Variants in EVPL observed in about 807,000 individuals in gnomAD.
The protein encoded by EVPL is 210 kDa cornified envelope precursor protein.
In EVPL, 94 loss-of-function variants were observed where a neutral mutation model predicts 129.7. That is an observed-to-expected ratio of 0.72 (90% CI 0.61 to 0.86). The LOEUF is 0.86. Ranked by LOEUF, EVPL falls within the 40% of genes least tolerant of loss-of-function variation. The probability of loss-of-function intolerance (pLI) is 0.00; values close to 1 mark genes in which losing one functional copy is unlikely to be tolerated. For synonymous variants in EVPL, 1,172 were observed against 1,191.1 expected, an observed-to-expected ratio of 0.98 and a Z score of 0.33; for missense variants, 2,625 against 2,721.1, an observed-to-expected ratio of 0.96 and a Z score of 0.79.
chr17:76,025,718 T>C (rs1348784195), intron 1 of EVPL, among the ~76,000 whole-genome samples: 5 of 152,292 alleles, frequency 3.3e-5, no homozygotes, highest in Admixed American at 2.6e-4. Context: ...CCTATCGGGG[T>C]AATGGGCACC....
rs761448376 is a variant in EVPL, at chr17:76,011,600, C to T, written c.2637G>A (p.Glu879=). Residue 879 remains glutamate (E), a synonymous_variant, in exon 21 of 22, where the codon GAG becomes GAA. Transcript: ENST00000301607. ...CCTTCTCCAGCATTTTTCTAGCAAA[C>T]TCCAGCTGCTGGAGCAGCTGCTGCT... The part of the protein sequence containing the change: ...AAQQQLLQQL[E]FARKMLEKKE... 1.2e-6 allele frequency: 2 copies of T among 1,614,192 alleles called. No homozygotes were observed. Among genetic ancestry groups the T allele is most frequent in the East Asian group, 4.5e-5 (2 of 44,886 alleles).
Position 76,014,600 on chromosome 17 carries a change from C to A in EVPL, c.2223-24G>T, listed in dbSNP as rs375912487. On this transcript the variant is annotated intron_variant, in intron 17 of 21. Transcript: ENST00000301607. ...CCCTGCAGGAGGACGAGGCCCAGAA[C>A]AGAGATAAGACCTGCCCCGTGGGGA... 283 of 1,609,274 alleles carry A rather than the reference C, an allele frequency of 1.8e-4. 2 individuals carry two copies. In the Middle Eastern group the frequency reaches 3.0e-3, roughly 17 times the overall value.
chr17:76,022,509 C>T lies in EVPL; in HGVS notation c.510G>A (p.Pro170=), dbSNP rs1464294203. ...QKQVCAGQYG[P]GMAELEQQIA... is the part of the protein sequence containing the mutation. ...TCTGTTGCTCCAGCTCCGCCATGCC[C>T]GGCCCGTACTGGCCTGCGCAGACCT... The change falls in exon 5 of 22, where the codon CCG becomes CCA. Residue 170 remains proline (P), a synonymous_variant. Transcript: ENST00000301607. The surrounding 1 kb of genome is among the most constrained non-coding windows in gnomAD (Gnocchi z 5.6). 3 of 1,610,532 alleles carry T rather than the reference C, an allele frequency of 1.9e-6. No individual in the cohort carries two copies. Among genetic ancestry groups the T allele is most frequent in the South Asian group, 1.1e-5 (1 of 90,306 alleles).
In EVPL at chr17:76,011,860, G is replaced by T; in HGVS notation, c.2480C>A (p.Thr827Asn). 1.2e-6 allele frequency: 2 copies of T among 1,613,654 alleles called. No homozygotes were observed. The highest frequency in any genetic ancestry group is 1.7e-6 in the Non-Finnish European group (2 of 1,179,906). The part of the protein sequence containing the change: ...ALQDYELQAD[T>N]YRCSLEPTLA... ...GGTGGGCTCCAAAGAGCAGCGGTAG[G>T]TGTCTGCCTGGAGCTCATAGTCCTG... The change falls in exon 20 of 22, where the codon ACC becomes AAC. Residue 827 changes from threonine (T) to asparagine (N), a missense_variant. By Grantham distance (65) the Thr-to-Asn change is moderately conservative. Coordinates refer to ENST00000301607, the MANE Select transcript of EVPL (RefSeq NM_001988.4).
rs2066478568 is a variant in EVPL at position 76,023,564 on chromosome 17, G to A, written c.289C>T (p.Leu97Phe). ...CGGGCCTTGTCCACGTCCAGGAAGA[G>A]GTCCTTGAGCAGCACCTCAGCCTCC... ...LKEAEVLLKD[L>F]FLDVDKARRL... Residue 97 changes from leucine (L) to phenylalanine (F), a missense_variant, in exon 3 of 22, where the codon CTC (leucine) becomes TTC (phenylalanine). Transcript: ENST00000301607. The A allele has an allele frequency of 6.2e-7, 1 of 1,613,186 alleles. No homozygotes were observed. Among genetic ancestry groups the A allele is most frequent in the African/African-American group, 1.3e-5 (1 of 75,020 alleles).
chr17:76,007,785 T>TG lies in EVPL; in HGVS notation c.5419dup (p.Gln1807ProfsTer16), dbSNP rs1325348553. 2.5e-6 allele frequency: 4 copies of TG among 1,611,808 alleles called. No homozygotes were observed. The highest frequency in any genetic ancestry group is 1.6e-4 in the Middle Eastern group (1 of 6,076). On this transcript the variant is annotated frameshift_variant, in exon 22 of 22. Transcript: ENST00000301607. LOFTEE classifies it low-confidence loss of function (END_TRUNC). This position sits in a 1 kb window ranked among gnomAD's most constrained non-coding sequence, Gnocchi z 8.8. ...GCTGGGAGAGAAGAAACTGGTGCTC[T>TG]GGGGGGCCGGGGAGGCGAGCGGGGA...
rs946020972 is a variant in EVPL at position 76,011,682 on chromosome 17, A to C, written c.2569-14T>G. 8 of 1,613,590 alleles carry C rather than the reference A, an allele frequency of 5.0e-6. No individual in the cohort carries two copies. The Admixed American group carries it at 5.0e-5, about 10-fold the overall frequency. ...AAGGTTCTTCTCCTGGAGAAGGCAG[A>C]GGGAGAGGGGAAGGGCAGAGTCAGC... On this transcript the variant is annotated splice_polypyrimidine_tract_variant and intron_variant, in intron 20 of 21. Coordinates refer to ENST00000301607, the MANE Select transcript of EVPL (RefSeq NM_001988.4).
rs1366938126 is a variant in EVPL, at chr17:76,009,939, A to G, written c.3266T>C (p.Val1089Ala). The G allele has an allele frequency of 1.2e-6, 2 of 1,613,978 alleles. No individual in the cohort carries two copies. Among genetic ancestry groups the G allele is most frequent in the Admixed American group, 3.3e-5 (2 of 60,016 alleles). The change falls in exon 22 of 22, where the codon GTC becomes GCC. Residue 1089 changes from valine (V) to alanine (A), a missense_variant. By Grantham distance (64) the Val-to-Ala change is moderately conservative. This residue lies in a region of EVPL where 1,453 missense variants were observed against 1,511.8 expected (regional missense o/e 0.96). Coordinates refer to ENST00000301607, the MANE Select transcript of EVPL (RefSeq NM_001988.4). This position sits in a 1 kb window ranked among gnomAD's most constrained non-coding sequence, Gnocchi z 5.9. ...CAGCCTCAGAGCCTGGGCTGCCTTGACCATTTCCAGATTCTTCTCCACCTT... is the reference window on the plus strand; with the variant it reads ...CAGCCTCAGAGCCTGGGCTGCCTTGGCCATTTCCAGATTCTTCTCCACCTT... The part of the protein sequence containing the change: ...VVKVEKNLEM[V>A]KAAQALRLQM...
Position 76,008,028 on chromosome 17 carries a change from A to G in EVPL, c.5177T>C (p.Val1726Ala). The change falls in exon 22 of 22, where the codon GTC (valine) becomes GCC (alanine). Residue 1726 changes from valine to alanine, a missense_variant. Val to Ala is a moderately conservative substitution (Grantham distance 64). Coordinates refer to ENST00000301607, the MANE Select transcript of EVPL (RefSeq NM_001988.4). This position sits in a 1 kb window ranked among gnomAD's most constrained non-coding sequence, Gnocchi z 7.4. Reference protein sequence around the residue: ...LQELECDWEEVTTSGPCGEES... With the variant: ...LQELECDWEEATTSGPCGEES... ...CTCCCCACAGGGCCCCGAGGTGGTG[A>G]CCTCCTCCCAGTCACACTCGAGCTC... 6.2e-7 allele frequency: 1 copy of G among 1,613,728 alleles called. No individual in the cohort carries two copies. Among genetic ancestry groups the G allele is most frequent in the Non-Finnish European group, 8.5e-7 (1 of 1,179,930 alleles).
At chr17:76,014,710 C>A in intron 17 of EVPL, 134 bp from the exon 18 acceptor site, 1 of 1,284,218 alleles carries the variant, frequency 7.8e-7, no homozygotes, top group South Asian at 1.4e-5. Context: ...TGCAGATCCC[C>A]ACTCCCTGAC....
intron 17 of EVPL, 134 bp downstream of exon 17, chr17:76,014,782 G>T: frequency 1.8e-6 from 2 of 1,140,002 alleles, no homozygotes; most frequent in South Asian, 3.1e-5. Flanking sequence ...AAGTGCTGTT[G>T]TTATCCCATT....
Position 76,022,581 on chromosome 17 carries a change from G to C in EVPL, c.481-43C>G, listed in dbSNP as rs764152695. 3.2e-6 allele frequency: 5 copies of C among 1,556,770 alleles called. No homozygotes were observed. The South Asian group carries it at 5.8e-5, about 18-fold the overall frequency. On this transcript the variant is annotated intron_variant, in intron 4 of 21. Transcript: ENST00000301607. This position sits in a 1 kb window ranked among gnomAD's most constrained non-coding sequence, Gnocchi z 5.6. ...GCTCAGTCCCCAAAGGACCGCGGTGGGGAGCCAGAGAACCCCACACGCCTC... is the reference window on the plus strand; with the variant it reads ...GCTCAGTCCCCAAAGGACCGCGGTGCGGAGCCAGAGAACCCCACACGCCTC...
chr17:76,023,141 C>T (rs1408579964), intron 4 of EVPL, 151 bp downstream of exon 4: 1 of 1,368,968 alleles, frequency 7.3e-7, no homozygotes, highest in Non-Finnish European at 9.9e-7. Flanking sequence ...GGAAGTCTTC[C>T]CTGACTGCAC....
Position 76,007,519 on chromosome 17 carries a change from G to T in EVPL, c.5686C>A (p.Leu1896Met), listed in dbSNP as rs773730008. 6.2e-7 allele frequency: 1 copy of T among 1,613,880 alleles called. No homozygotes were observed. Among genetic ancestry groups the T allele is most frequent in the Non-Finnish European group, 8.5e-7 (1 of 1,180,018 alleles). ...GLIENTSTQR[L>M]LNAQKAFTGI... is the part of the protein sequence containing the mutation. ...GTGAAGGCCTTCTGGGCGTTAAGCA[G>T]CCTCTGTGTGGAGGTGTTCTCGATC... is the stretch of plus-strand genomic sequence containing the variant. Residue 1896 changes from leucine to methionine, a missense_variant, in exon 22 of 22, where the codon CTG (leucine) becomes ATG (methionine). Leu to Met is a conservative substitution (Grantham distance 15). Coordinates refer to ENST00000301607, the MANE Select transcript of EVPL (RefSeq NM_001988.4). This position sits in a 1 kb window ranked among gnomAD's most constrained non-coding sequence, Gnocchi z 8.8.
At chr17:76,019,450 G>A (rs1200182774) in intron 10 of EVPL, 78 bp downstream of exon 10, 2 of 1,481,030 alleles carry the variant, frequency 1.4e-6, no homozygotes, top group Non-Finnish European at 1.8e-6. Context: ...TACCAAGGCA[G>A]AAGGGGTGAG....
At chr17:76,020,676 C>T (rs1287001281) in intron 9 of EVPL, among the ~76,000 whole-genome samples, 1 of 151,612 alleles carries the variant, frequency 6.6e-6, no homozygotes, top group African/African-American at 2.4e-5. Flanking sequence ...TTAATTTCCC[C>T]CCACCTCATC....
rs931709761 is a variant in EVPL, at chr17:76,021,496, T to C, written c.983A>G (p.Gln328Arg). Residue 328 changes from glutamine (Q) to arginine (R), a missense_variant, in exon 9 of 22, where the codon CAG becomes CGG. Physicochemically the swap from Gln to Arg is conservative, Grantham distance 43. Coordinates refer to ENST00000301607, the MANE Select transcript of EVPL (RefSeq NM_001988.4). ...GCGGTAGTCCTCCACGTGCTGCAGC[T>C]GGGTCTCCTGGCAGATACACAGGTT... is the stretch of plus-strand genomic sequence containing the variant. ...FLNLCICQET[Q>R]LQHVEDYRRF... is the part of the protein sequence containing the mutation. The C allele has an allele frequency of 6.2e-7, 1 of 1,609,442 alleles. No homozygotes were observed. Among genetic ancestry groups the C allele is most frequent in the African/African-American group, 1.3e-5 (1 of 74,692 alleles).
chr17:76,015,951 C>G (rs1234666664), intron 14 of EVPL, among the ~76,000 whole-genome samples: 1 of 152,146 alleles, frequency 6.6e-6, no homozygotes, highest in Non-Finnish European at 1.5e-5. Context: ...CGAGACCAGC[C>G]TGGCCAACAT....
intron 2 of EVPL, among the ~76,000 whole-genome samples, 170 bp from the exon 3 acceptor site, chr17:76,023,824 G>A (rs1314609747): frequency 1.3e-5 from 2 of 152,228 alleles, no homozygotes; most frequent in African/African-American, 4.8e-5. Flanking sequence ...AGGTGACAAG[G>A]ACACAGGGGA....
Sources: allele counts gnomAD v4.1 joint callset (sites outside exome capture counted in the v4.1 genomes callset), GRCh38; gene constraint gnomAD v4.1.1; regional missense constraint gnomAD v4.1.1; non-coding constraint Gnocchi (gnomAD v3.1); transcripts MANE v1.5; gene names NCBI Gene and HGNC (gene_info 2026-07-23, HGNC 2026-07-21).